The following XIRP2 variants were observed in gnomAD, a reference collection of about 807,000 sequenced individuals.
The protein encoded by XIRP2 is xin actin binding repeat containing 2.
In XIRP2, 236 loss-of-function variants were observed where a neutral mutation model predicts 277.0. The observed-to-expected ratio is 0.85, with a 90% CI of 0.77 to 0.95. The LOEUF (loss-of-function observed/expected upper bound fraction) is 0.95, where lower values mean the gene tolerates loss of function less well. Among genes scored for constraint, XIRP2 ranks in the 40% least tolerant of loss-of-function variants. The probability of loss-of-function intolerance (pLI) is 0.00; values close to 1 mark genes in which losing one functional copy is unlikely to be tolerated. For synonymous variants in XIRP2, 1,490 were observed against 1,416.5 expected, an observed-to-expected ratio of 1.05 and a Z score of -1.17; for missense variants, 4,640 against 4,157.5, an observed-to-expected ratio of 1.12 and a Z score of -3.19.
At chr2:166,998,766 C>G (rs1369372470) in intron 2 of XIRP2, among the ~76,000 whole-genome samples, 3 of 152,170 alleles carry the variant, frequency 2.0e-5, no homozygotes, top group Non-Finnish European at 4.4e-5. Flanking sequence ...TCCACTTTAA[C>G]CAATCAAATA....
intron 3 of XIRP2, among the ~76,000 whole-genome samples, chr2:167,154,094 T>G (rs900266538): frequency 2.0e-5 from 3 of 149,590 alleles, no homozygotes. Flanking sequence ...TTTTAAAGAT[T>G]GCCATTCTAA....
At chr2:167,236,932 C>T (rs987640683) in intron 5 of XIRP2, among the ~76,000 whole-genome samples, 10 of 151,960 alleles carry the variant, frequency 6.6e-5, no homozygotes, top group East Asian at 1.9e-4. Flanking sequence ...GATTTTAAAT[C>T]CAAACTAAAC....
intron 2 of XIRP2, among the ~76,000 whole-genome samples, chr2:167,134,417 C>T (rs997371407): frequency 2.6e-5 from 4 of 151,664 alleles, no homozygotes; most frequent in Admixed American, 2.6e-4. Flanking sequence ...TCTTTTCTAA[C>T]CATAGCAAAG....
Position 167,248,211 on chromosome 2 carries a change from A to G in XIRP2, c.6819A>G (p.Pro2273=), listed in dbSNP as rs757563528. 6.2e-7 allele frequency: 1 copy of G among 1,613,740 alleles called. No individual in the cohort carries two copies. The highest frequency in any genetic ancestry group is 8.5e-7 in the Non-Finnish European group (1 of 1,179,766). Residue 2273 remains proline (P), a synonymous_variant, in exon 9 of 11, where the codon CCA becomes CCG. Transcript: ENST00000409195. ...TGGCAATGGAAAGGTCCTTGAATCC[A>G]ATCAACTTTAACCCTGAGAATAATG... ...LKMAMERSLN[P]INFNPENNVK...
intron 2 of XIRP2, among the ~76,000 whole-genome samples, chr2:166,945,585 G>A (rs1474395378): frequency 2.0e-5 from 3 of 150,588 alleles, no homozygotes; most frequent in Admixed American, 6.6e-5. Flanking sequence ...TTTGGTATAA[G>A]AGGACTAAGT....
intron 2 of XIRP2, among the ~76,000 whole-genome samples, chr2:167,119,632 T>C (rs1230881107): frequency 2.0e-5 from 3 of 152,340 alleles, no homozygotes; most frequent in Non-Finnish European, 4.4e-5. Context: ...TTCTGGCATT[T>C]GATAGGTGCC....
Position 167,251,122 on chromosome 2 carries a change from A to G in XIRP2, c.9730A>G (p.Ile3244Val), listed in dbSNP as rs767850384. 6.2e-6 allele frequency: 10 copies of G among 1,613,560 alleles called. No homozygotes were observed. The South Asian group carries it at 1.1e-4, about 18-fold the overall frequency. ...ACCTACAATCACAATACCAGTAAAT[A>G]TAAATCATGCTGCTAGTGGTTCCTT... ...SPPTITIPVN[I>V]NHAASGSFRE... The change falls in exon 9 of 11, where the codon ATA (isoleucine) becomes GTA (valine). Residue 3244 changes from isoleucine to valine, a missense_variant. Ile to Val is a conservative substitution (Grantham distance 29, BLOSUM62 3). Coordinates refer to ENST00000409195, the MANE Select transcript of XIRP2 (RefSeq NM_152381.6).
intron 2 of XIRP2, among the ~76,000 whole-genome samples, chr2:166,998,537 T>C (rs1687285057): frequency 6.6e-6 from 1 of 152,020 alleles, no homozygotes; most frequent in Non-Finnish European, 1.5e-5. Context: ...CTCGGGAGGC[T>C]GAGGTAGGAG....
intron 2 of XIRP2, among the ~76,000 whole-genome samples, chr2:167,017,472 T>C (rs1687863078): frequency 6.6e-6 from 1 of 152,016 alleles, no homozygotes; most frequent in Non-Finnish European, 1.5e-5. Context: ...AGATAGTTTT[T>C]CTTCTCACCT....
intron 3 of XIRP2, among the ~76,000 whole-genome samples, chr2:167,188,722 G>T (rs1038244222): frequency 1.3e-5 from 2 of 152,160 alleles, no homozygotes; most frequent in Non-Finnish European, 1.5e-5. Context: ...TAACAACTAG[G>T]TCCATTTCTA....
At chr2:167,189,167 A>G (rs1693249989) in intron 3 of XIRP2, among the ~76,000 whole-genome samples, 1 of 152,158 alleles carries the variant, frequency 6.6e-6, no homozygotes, top group East Asian at 1.9e-4. Flanking sequence ...GTAAAATACT[A>G]CTTATGATTA....
At chr2:167,006,953 A>T (rs1472954782) in intron 2 of XIRP2, among the ~76,000 whole-genome samples, 1 of 151,730 alleles carries the variant, frequency 6.6e-6, no homozygotes, top group Non-Finnish European at 1.5e-5. Context: ...AATCTATAGG[A>T]ACAATGAAGA....
intron 1 of XIRP2, among the ~76,000 whole-genome samples, chr2:166,898,060 C>T (rs1360184872): frequency 6.6e-6 from 1 of 152,044 alleles, no homozygotes; most frequent in Non-Finnish European, 1.5e-5. Context: ...GAAGTTATTT[C>T]CTGGCCCAGG....
chr2:166,907,066 T>C (rs900641267), intron 2 of XIRP2, among the ~76,000 whole-genome samples: 8 of 152,178 alleles, frequency 5.3e-5, no homozygotes, highest in African/African-American at 1.9e-4. Context: ...ATTCTTAAAA[T>C]AATTTTTTCA....
chr2:167,023,438 G>C (rs937973864), intron 2 of XIRP2, among the ~76,000 whole-genome samples: 1 of 151,754 alleles, frequency 6.6e-6, no homozygotes, highest in Admixed American at 6.6e-5. Context: ...TTCTTTTGCT[G>C]TGCAGAAGCT....
intron 4 of XIRP2, among the ~76,000 whole-genome samples, chr2:167,216,919 G>T (rs1462702489): frequency 7.8e-6 from 1 of 128,388 alleles, no homozygotes; most frequent in Non-Finnish European, 1.5e-5. Context: ...TTAAGAAAAT[G>T]TGGCACACAT....
rs1005294675 is a variant in XIRP2, at chr2:167,139,668, T to C, written c.562+3606T>C. 7.9e-5 allele frequency among the ~76,000 whole-genome samples: 12 copies of C among 152,330 alleles called. No individual in the cohort carries two copies. The East Asian group carries it at 2.3e-3, about 29-fold the overall frequency. On this transcript the variant is annotated intron_variant, in intron 3 of 10. Coordinates refer to ENST00000409195, the MANE Select transcript of XIRP2 (RefSeq NM_152381.6). The stretch of plus-strand genomic sequence containing the variant: ...TGTTTCTAAAATACTGTAGTATGTA[T>C]ATGTATTTGTGTGATTGTCATTTAC...
intron 2 of XIRP2, among the ~76,000 whole-genome samples, chr2:166,975,664 G>A (rs1264638329): frequency 5.3e-5 from 8 of 151,908 alleles, no homozygotes; most frequent in Admixed American, 3.3e-4. Context: ...GGTGGCTCAC[G>A]CCTGTAATCC....
At chr2:167,137,420 G>C (rs1011286715) in intron 3 of XIRP2, among the ~76,000 whole-genome samples, 2 of 152,112 alleles carry the variant, frequency 1.3e-5, no homozygotes, top group Admixed American at 1.3e-4. Flanking sequence ...GATTAGCAGA[G>C]GCCAAGGAAA....
Sources: allele counts gnomAD v4.1 joint callset (sites outside exome capture counted in the v4.1 genomes callset), GRCh38; gene constraint gnomAD v4.1.1; transcripts MANE v1.5; gene names NCBI Gene and HGNC (gene_info 2026-07-23, HGNC 2026-07-21).